Variants in HSH2D observed in about 807,000 individuals in gnomAD.
HSH2D encodes hematopoietic SH2 domain containing.
Under a neutral mutation model 21.5 loss-of-function variants are expected in HSH2D, and 16 were observed. The ratio of observed to expected loss-of-function variants is 0.74; its 90% CI spans 0.50 to 1.13. The LOEUF is 1.13. HSH2D is among the 50% of genes most tolerant of loss of function. HSH2D has a pLI of 0.00. For synonymous variants in HSH2D, 172 were observed against 184.7 expected, an observed-to-expected ratio of 0.93 and a Z score of 0.56; for missense variants, 418 against 441.4, an observed-to-expected ratio of 0.95 and a Z score of 0.47.
At chr19:16,138,253 T>C (rs1247014844) in intron 1 of HSH2D, among the ~76,000 whole-genome samples, 1 of 152,214 alleles carries the variant, frequency 6.6e-6, no homozygotes, top group Non-Finnish European at 1.5e-5. Context: ...TTGGGGCTCA[T>C]CCACATTGTA....
chr19:16,136,561 G>GA (rs2090965473), intron 1 of HSH2D, among the ~76,000 whole-genome samples: 1 of 152,188 alleles, frequency 6.6e-6, no homozygotes, highest in South Asian at 2.1e-4. Context: ...AAAGCAGTCT[G>GA]AGAAATCGAG....
intron 1 of HSH2D, among the ~76,000 whole-genome samples, chr19:16,144,665 A>G (rs1305020298): frequency 2.0e-5 from 3 of 148,460 alleles, no homozygotes; most frequent in Non-Finnish European, 1.5e-5. Context: ...AACCCAGGCC[A>G]TCTGGGTCGA....
In HSH2D at chr19:16,157,091, C is replaced by A; in HGVS notation, c.475-119C>A. 1 of 745,598 alleles carries A rather than the reference C, an allele frequency of 1.3e-6. No individual in the cohort carries two copies. 46.2% of individuals were successfully genotyped at this position (745,598 alleles called of 1,614,324 possible). On this transcript the variant is annotated intron_variant, in intron 5 of 5. Transcript: ENST00000613986. The surrounding 1 kb of genome is among the most constrained non-coding windows in gnomAD (Gnocchi z 4.4). ...GGGCATGGGATCAGGTTTGGGGGTT[C>A]ACACGGGGACGTTTCTCAGCCACAG...
At chr19:16,148,666 A>G in intron 1 of HSH2D, 58 bp from the exon 2 acceptor site, 11 of 1,543,070 alleles carry the variant, frequency 7.1e-6, no homozygotes, top group Non-Finnish European at 9.8e-6. Context: ...TCAAGAATAG[A>G]GCAAAGATAA....
Position 16,157,202 on chromosome 19 carries a change from A to G in HSH2D, c.475-8A>G. 1 of 1,519,876 alleles carries G rather than the reference A, an allele frequency of 6.6e-7. No individual in the cohort carries two copies. Among genetic ancestry groups the G allele is most frequent in the Non-Finnish European group, 8.8e-7 (1 of 1,135,104 alleles). The allele number at this position is 1,519,876 out of a possible 1,614,324, so 94.1% of individuals were successfully genotyped here. ...GCTGCCCCAGGCCTCCCCTACTCTC[A>G]TTTTCAGGCCTCCCCAAAGCCAGTC... On this transcript the variant is annotated splice_region_variant and splice_polypyrimidine_tract_variant and intron_variant, in intron 5 of 5. Transcript: ENST00000613986. The surrounding 1 kb of genome is among the most constrained non-coding windows in gnomAD (Gnocchi z 4.4).
intron 1 of HSH2D, among the ~76,000 whole-genome samples, chr19:16,148,271 C>T (rs1198293469): frequency 6.6e-6 from 1 of 152,100 alleles, no homozygotes; most frequent in Non-Finnish European, 1.5e-5. Flanking sequence ...GCCTCAGCCT[C>T]CGGAGTAGCT....
At chr19:16,139,136 G>A (rs1568325736), upstream of HSH2D, among the ~76,000 whole-genome samples, 1 of 152,202 alleles carries the variant, frequency 6.6e-6, no homozygotes, top group Non-Finnish European at 1.5e-5. Flanking sequence ...GGGATTACAG[G>A]CATAAGCCAC....
In HSH2D at chr19:16,153,168, T is replaced by C. The variant is rs376493778; in HGVS notation, c.341T>C (p.Ile114Thr). The C allele has an allele frequency of 5.7e-6, 9 of 1,570,942 alleles. No homozygotes were observed. In the East Asian group the frequency reaches 7.0e-5, roughly 12 times the overall value. Residue 114 changes from isoleucine (I) to threonine (T), a missense_variant, in exon 4 of 6, where the codon ATT becomes ACT. Physicochemically the swap from Ile to Thr is moderately conservative, Grantham distance 89 (BLOSUM62 -1). Coordinates refer to ENST00000613986, the MANE Select transcript of HSH2D (RefSeq NM_001382417.1). ...ALVTFHQQKP[I>T]EPRRELLTQP... ...GTCACCTTCCACCAGCAGAAGCCAA[T>C]TGAGCCGCGCAGGGAGCTGCTGACA...
chr19:16,149,541 C>T (rs1334344516), intron 2 of HSH2D, among the ~76,000 whole-genome samples: 1 of 151,284 alleles, frequency 6.6e-6, no homozygotes, highest in Non-Finnish European at 1.5e-5. Flanking sequence ...CAGCTGCTCT[C>T]AACCCATCAG....
intron 2 of HSH2D, among the ~76,000 whole-genome samples, chr19:16,150,701 T>A (rs583636): frequency 0.11 from 3,600 of 33,522 alleles, 135 homozygotes; most frequent in African/African-American, 0.37. Context: ...AAAAAAAAAA[T>A]TAAAAAAATT....
chr19:16,143,308 T>C (rs1025421567), upstream of HSH2D, among the ~76,000 whole-genome samples: 2 of 152,108 alleles, frequency 1.3e-5, no homozygotes, highest in Admixed American at 6.6e-5. Context: ...GGTCTCAAAC[T>C]CCTGACCTCA....
chr19:16,157,934 G>T lies in HSH2D; in HGVS notation c.*140G>T, dbSNP rs2091259638. ...GGGAAATGGAATAAAGATGTTTTTG[G>T]GGTCTGTTCCTGCACTCACCCATGG... On this transcript the variant is annotated 3_prime_UTR_variant, in exon 6 of 6. Transcript: ENST00000613986. This position sits in a 1 kb window ranked among gnomAD's most constrained non-coding sequence, Gnocchi z 4.4. 1.5e-6 allele frequency: 1 copy of T among 647,546 alleles called. No individual in the cohort carries two copies. Among genetic ancestry groups the T allele is most frequent in the Non-Finnish European group, 2.6e-6 (1 of 380,268 alleles). 40.1% of individuals were successfully genotyped at this position (647,546 alleles called of 1,614,324 possible). A position where few individuals can be genotyped will look rare whatever the true frequency, so the allele number is the denominator to read the frequency against.
rs1199459661 is a variant in HSH2D, at chr19:16,154,396, C to A, written c.382-3C>A. The A allele has an allele frequency of 1.3e-6, 2 of 1,549,144 alleles. No homozygotes were observed. The highest frequency in any genetic ancestry group is 3.9e-5 in the Admixed American group (2 of 50,936). ...TGAGCTACAGGCCCCTTCCGCCCTGCAGAAGGATCCCGCAAACGTGGATTA... is the reference window on the plus strand; with the variant it reads ...TGAGCTACAGGCCCCTTCCGCCCTGAAGAAGGATCCCGCAAACGTGGATTA... On this transcript the variant is annotated splice_polypyrimidine_tract_variant and splice_region_variant and intron_variant, in intron 4 of 5. Coordinates refer to ENST00000613986, the MANE Select transcript of HSH2D (RefSeq NM_001382417.1).
At chr19:16,143,830 G>T in intron 1 of HSH2D, 56 bp downstream of exon 1, 2 of 383,384 alleles carry the variant, frequency 5.2e-6, no homozygotes, top group Admixed American at 6.1e-5. Flanking sequence ...GGCTGGGCTA[G>T]GCCAGAAGGA....
At chr19:16,148,653 G>A in intron 1 of HSH2D, 71 bp from the exon 2 acceptor site, 3 of 1,491,340 alleles carry the variant, frequency 2.0e-6, no homozygotes, top group Admixed American at 1.7e-5. Context: ...GGCACCACAA[G>A]CTTCAAGAAT....
upstream of HSH2D, chr19:16,143,630 A>AGGG: frequency 2.7e-6 from 1 of 373,094 alleles, no homozygotes; most frequent in Non-Finnish European, 5.5e-6. Context: ...TTCCGCCCCC[A>AGGG]GGGCTCACCT....
rs1198010302 is a variant in HSH2D, at chr19:16,157,626, C to T, written c.891C>T (p.Val297=). The change falls in exon 6 of 6, where the codon GTC becomes GTT. Residue 297 remains valine (V), a synonymous_variant. Transcript: ENST00000613986. The surrounding 1 kb of genome is among the most constrained non-coding windows in gnomAD (Gnocchi z 4.4). ...CCACCAGGAAGGCCGAGAGGTCGGT[C>T]AGCTGCATTGAGGTGACCCCAGGGG... ...KVPTRKAERS[V]SCIEVTPGDR... is the part of the protein sequence containing the mutation. The T allele has an allele frequency of 6.2e-7, 1 of 1,613,832 alleles. No individual in the cohort carries two copies. Among genetic ancestry groups the T allele is most frequent in the Non-Finnish European group, 8.5e-7 (1 of 1,179,820 alleles).
chr19:16,134,515 A>G (rs1175567599), intron 1 of HSH2D, among the ~76,000 whole-genome samples: 1 of 152,194 alleles, frequency 6.6e-6, no homozygotes, highest in Non-Finnish European at 1.5e-5. Flanking sequence ...TCTTTTCTGC[A>G]CACACTATGC....
intron 1 of HSH2D, among the ~76,000 whole-genome samples, chr19:16,135,290 A>G (rs35848422): frequency 0.14 from 21,558 of 151,692 alleles, 1,811 homozygotes; most frequent in East Asian, 0.29. Flanking sequence ...AAAAAATAGT[A>G]TGGTGGCATG....
Sources: gnomAD v4.1 joint callset for allele counts (sites outside exome capture counted in the v4.1 genomes callset) on GRCh38, gnomAD v4.1.1 for gene constraint, Gnocchi (gnomAD v3.1) non-coding constraint, MANE v1.5 for transcripts, NCBI Gene and HGNC (gene_info 2026-07-23, HGNC 2026-07-21) for gene names.